ZBBX: variants seen among roughly 807,000 people sequenced by gnomAD.
ZBBX encodes zinc finger B-box domain-containing protein 1.
In ZBBX, 101 loss-of-function variants were observed where a neutral mutation model predicts 108.5. The ratio of observed to expected loss-of-function variants is 0.93; its 90% CI spans 0.79 to 1.10. The LOEUF is 1.10. Among genes scored for constraint, ZBBX ranks in the 50% least tolerant of loss-of-function variants. The pLI is 0.00. For missense variants in ZBBX, 1,009 were observed against 941.4 expected (o/e 1.07, Z -0.94); for synonymous variants, 356 against 323.4 (o/e 1.10, Z -1.08).
chr3:167,398,489 C>A (rs1257005410), intron 1 of ZBBX, among the ~76,000 whole-genome samples: 1 of 151,764 alleles, frequency 6.6e-6, no homozygotes, highest in Non-Finnish European at 1.5e-5. Context: ...GAATTATAGG[C>A]CTTAAATTAT....
At chr3:167,189,632 T>C in the ZBBX span, among the ~76,000 whole-genome samples, 2 of 152,208 alleles carry the variant, frequency 1.3e-5, no homozygotes, top group Admixed American at 1.3e-4. Flanking sequence ...ATTTTTAAAA[T>C]AGACTTTCAT....
At chr3:167,378,134 T>C (rs1747253049) in intron 2 of ZBBX, among the ~76,000 whole-genome samples, 1 of 152,190 alleles carries the variant, frequency 6.6e-6, no homozygotes, top group South Asian at 2.1e-4. Flanking sequence ...CCTCTTTCCT[T>C]TGTAAATAAC....
At chr3:167,223,972 A>G in the ZBBX span, among the ~76,000 whole-genome samples, 1 of 151,954 alleles carries the variant, frequency 6.6e-6, no homozygotes. Flanking sequence ...AAATGACTGG[A>G]GATTTTAATG....
the ZBBX span, among the ~76,000 whole-genome samples, chr3:167,213,701 G>A: frequency 6.6e-6 from 1 of 152,068 alleles, no homozygotes; most frequent in African/African-American, 2.4e-5. Flanking sequence ...GTGAACTCCT[G>A]CAAGATTCTA....
intron 19 of ZBBX, among the ~76,000 whole-genome samples, chr3:167,286,313 GT>G (rs1384713581): frequency 6.6e-6 from 1 of 152,122 alleles, no homozygotes; most frequent in Non-Finnish European, 1.5e-5. Flanking sequence ...GTGTTGCTGT[GT>G]GATACATGGT....
rs917866277 is a variant in ZBBX, at chr3:167,358,892, C to T, written c.432+978G>A. Among the ~76,000 whole-genome samples the T allele has an allele frequency of 1.4e-4, 17 of 123,246 alleles. No homozygotes were observed. In the South Asian group the frequency reaches 1.5e-3, roughly 11 times the overall value. The allele number at this position is 123,246 out of a possible 152,430, so 80.9% of individuals were successfully genotyped here. On this transcript the variant is annotated intron_variant, in intron 8 of 21. Coordinates refer to ENST00000675490, the MANE Select transcript of ZBBX (RefSeq NM_001199201.2). ...CGGAGGTTGCAGTGAGCCCAGATTG[C>T]GCCACTGCACTCCAGCCTGGGCAAC... is the stretch of plus-strand genomic sequence containing the variant.
At chr3:167,198,876 G>A in the ZBBX span, among the ~76,000 whole-genome samples, 3 of 152,186 alleles carry the variant, frequency 2.0e-5, no homozygotes, top group Non-Finnish European at 4.4e-5. Context: ...GTTTAAAAAT[G>A]AAAGTAAAGG....
upstream of ZBBX, among the ~76,000 whole-genome samples, chr3:167,381,574 A>G (rs1445583724): frequency 6.6e-6 from 1 of 152,200 alleles, no homozygotes; most frequent in African/African-American, 2.4e-5. Flanking sequence ...TAACTTTAAT[A>G]CAAGAACTAG....
the ZBBX span, among the ~76,000 whole-genome samples, chr3:167,194,313 A>C: frequency 2.0e-5 from 3 of 151,496 alleles, no homozygotes; most frequent in Non-Finnish European, 4.4e-5. Flanking sequence ...GTTTACTTGC[A>C]TCTCCCCTTG....
chr3:167,377,626 G>T (rs1043844208), intron 2 of ZBBX, among the ~76,000 whole-genome samples: 1 of 151,648 alleles, frequency 6.6e-6, no homozygotes, highest in African/African-American at 2.4e-5. Flanking sequence ...ATAATTAAAA[G>T]AATTTTACTT....
chr3:167,383,410 A>G (rs73879691), upstream of ZBBX, among the ~76,000 whole-genome samples: 4,564 of 152,172 alleles, frequency 0.03, 221 homozygotes, highest in African/African-American at 0.1. Flanking sequence ...AGCTTTAGAG[A>G]CAACATAAAA....
At chr3:167,299,614 C>A (rs1732296617) in intron 17 of ZBBX, among the ~76,000 whole-genome samples, 1 of 152,060 alleles carries the variant, frequency 6.6e-6, no homozygotes, top group African/African-American at 2.4e-5. Flanking sequence ...CTAACTAGTC[C>A]ATTGTTTTCC....
chr3:167,259,552 G>C (rs189320124), intron 20 of ZBBX, among the ~76,000 whole-genome samples: 1 of 152,072 alleles, frequency 6.6e-6, no homozygotes, highest in African/African-American at 2.4e-5. Context: ...TTAGTTCCTT[G>C]AGGTGTGACC....
In ZBBX at chr3:167,240,910, T is replaced by C. The variant is rs1425253054; in HGVS notation, c.2403A>G (p.Gly801=). 13 of 1,612,992 alleles carry C rather than the reference T, an allele frequency of 8.1e-6. No homozygotes were observed. Among genetic ancestry groups the C allele is most frequent in the Non-Finnish European group, 1.1e-5 (13 of 1,179,370 alleles). Residue 801 remains glycine, a synonymous_variant, in exon 22 of 22, where the codon GGA becomes GGG. Coordinates refer to ENST00000675490, the MANE Select transcript of ZBBX (RefSeq NM_001199201.2). ...PCGVEELSCS[G]RDTKIQSLLS... ...GCAAAGACTGAATTTTGGTATCTCTTCCAGAACAGCTGAAAATACATAACA... is the reference window on the plus strand; with the variant it reads ...GCAAAGACTGAATTTTGGTATCTCTCCCAGAACAGCTGAAAATACATAACA...
At chr3:167,402,238 C>A (rs1490186530) in intron 1 of ZBBX, among the ~76,000 whole-genome samples, 2 of 152,146 alleles carry the variant, frequency 1.3e-5, no homozygotes, top group African/African-American at 4.8e-5. Flanking sequence ...TCTGCTGCAT[C>A]TCCCATATTC....
intron 20 of ZBBX, among the ~76,000 whole-genome samples, chr3:167,279,476 A>G (rs2108512472): frequency 6.6e-6 from 1 of 151,868 alleles, no homozygotes; most frequent in East Asian, 1.9e-4. Flanking sequence ...GAGCCAAATC[A>G]TGAGTGAACT....
chr3:167,310,634 A>G (rs1430665815), intron 16 of ZBBX, among the ~76,000 whole-genome samples: 2 of 152,106 alleles, frequency 1.3e-5, no homozygotes, highest in African/African-American at 4.8e-5. Flanking sequence ...AGAGCTCACG[A>G]GGACTCACTC....
At chr3:167,289,591 T>C (rs1201502213) in intron 18 of ZBBX, among the ~76,000 whole-genome samples, 1 of 152,130 alleles carries the variant, frequency 6.6e-6, no homozygotes, top group Non-Finnish European at 1.5e-5. Flanking sequence ...TTTCCCGTGG[T>C]CTTCGCAACC....
Position 167,333,794 on chromosome 3 carries a change from C to A in ZBBX, c.687+33G>T, listed in dbSNP as rs367931523. ...TGGCACCTGCCATAGTTACATATGT[C>A]AGAAAATGTCTACTATATTTTCCTC... is the stretch of plus-strand genomic sequence containing the variant. On this transcript the variant is annotated intron_variant, in intron 10 of 21. Coordinates refer to ENST00000675490, the MANE Select transcript of ZBBX (RefSeq NM_001199201.2). 6 of 1,523,604 alleles carry A rather than the reference C, an allele frequency of 3.9e-6. No homozygotes were observed. In the South Asian group the frequency reaches 6.8e-5, roughly 17 times the overall value. 94.4% of individuals were successfully genotyped at this position (1,523,604 alleles called of 1,614,324 possible).
Sources: gnomAD v4.1 joint callset for allele counts (sites outside exome capture counted in the v4.1 genomes callset) on GRCh38, gnomAD v4.1.1 for gene constraint, MANE v1.5 for transcripts, NCBI Gene and HGNC (gene_info 2026-07-23, HGNC 2026-07-21) for gene names.